The following MICAL2 variants were observed in gnomAD, a reference collection of about 807,000 sequenced individuals.
MICAL2 encodes the protein [F-actin]-monooxygenase MICAL2.
MICAL2 carries 77 observed loss-of-function variants against 127.3 expected under a neutral mutation model. The observed-to-expected ratio is 0.60, with a 90% CI of 0.50 to 0.73. The LOEUF (loss-of-function observed/expected upper bound fraction) is 0.73, where lower values mean the gene tolerates loss of function less well. MICAL2 is among the 30% of genes least tolerant of loss of function. The pLI is 0.00. For synonymous variants in MICAL2, 570 were observed against 551.1 expected (o/e 1.03, Z -0.48); for missense variants, 1,351 against 1,434.4 (o/e 0.94, Z 0.94).
intron 29 of MICAL2, among the ~76,000 whole-genome samples, chr11:12,315,944 CTG>C (rs1864227438): frequency 6.6e-6 from 1 of 152,084 alleles, no homozygotes; most frequent in South Asian, 2.1e-4. Context: ...TCAAGCACGT[CTG>C]TATTTTGTTT....
downstream of MICAL2, chr11:12,294,247 C>T: frequency 6.2e-7 from 1 of 1,614,188 alleles, no homozygotes. Flanking sequence ...CACTGCGGCT[C>T]ATAGCCAATG....
At chr11:12,269,506 C>A (rs1863650323) in intron 24 of MICAL2, among the ~76,000 whole-genome samples, 1 of 152,186 alleles carries the variant, frequency 6.6e-6, no homozygotes, top group African/African-American at 2.4e-5. Flanking sequence ...GCGTGTGCCC[C>A]CACCCCTCAC....
intron 1 of MICAL2, among the ~76,000 whole-genome samples, chr11:12,129,379 C>A (rs1260109427): frequency 1.3e-5 from 2 of 152,222 alleles, no homozygotes; most frequent in African/African-American, 4.8e-5. Context: ...TTACTGGGTA[C>A]TGTCCCCATT....
chr11:12,329,038 A>G (rs1864385451), intron 32 of MICAL2, among the ~76,000 whole-genome samples: 1 of 152,196 alleles, frequency 6.6e-6, no homozygotes, highest in African/African-American at 2.4e-5. Flanking sequence ...TTGTTGGTAA[A>G]TTGGGAGTGC....
rs186260401 is a variant in MICAL2 at position 12,183,498 on chromosome 11, C to T, written c.265-20752C>T. Among the ~76,000 whole-genome samples the T allele has an allele frequency of 9.9e-4, 151 of 152,300 alleles. 1 individual carries two copies. Among genetic ancestry groups the T allele is most frequent in the Admixed American group, 1.3e-3 (20 of 15,302 alleles). On this transcript the variant is annotated intron_variant, in intron 3 of 27. Coordinates refer to ENST00000683283, the MANE Select transcript of MICAL2 (RefSeq NM_001282663.2). Reference sequence around the variant, plus strand: ...TAACCGCCTGTGCCCTTCTCAGGCACAGATGTTTCTGAGACTGAACTGAGC... The same window carrying T: ...TAACCGCCTGTGCCCTTCTCAGGCATAGATGTTTCTGAGACTGAACTGAGC...
At position 12,110,984 on chromosome 11, in the gene MICAL2, CTCT is replaced by C. The variant is rs1372358093; in HGVS notation, c.-149+260_-149+262del. On this transcript the variant is annotated intron_variant, in intron 1 of 27. Transcript: ENST00000683283. This position sits in a 1 kb window ranked among gnomAD's most constrained non-coding sequence, Gnocchi z 4.5. ...GCCTCCCACCGGCACGCCGAACTAC[CTCT>C]TACTCCGCTCCGCAACACCCAAACC... 2.0e-5 allele frequency among the ~76,000 whole-genome samples: 3 copies of C among 152,198 alleles called. No homozygotes were observed. Among genetic ancestry groups the C allele is most frequent in the Non-Finnish European group, 4.4e-5 (3 of 68,042 alleles).
chr11:12,136,142 A>T (rs780962157), intron 1 of MICAL2, among the ~76,000 whole-genome samples: 1 of 151,964 alleles, frequency 6.6e-6, no homozygotes, highest in Non-Finnish European at 1.5e-5. Flanking sequence ...GTATCACCCA[A>T]ATCAGGCCCA....
chr11:12,239,869 T>C (rs1859625729), intron 17 of MICAL2, among the ~76,000 whole-genome samples: 1 of 152,272 alleles, frequency 6.6e-6, no homozygotes, highest in African/African-American at 2.4e-5. Flanking sequence ...AATAAAACTT[T>C]ATTTACAAAA....
At chr11:12,327,341 A>C (rs375324318) in intron 32 of MICAL2, 21 of 1,251,898 alleles carry the variant, frequency 1.7e-5, no homozygotes, top group South Asian at 1.3e-4. Flanking sequence ...TGAGGAAAAC[A>C]GACCTTGTCA....
At chr11:12,290,699 C>T (rs1364075750), downstream of MICAL2, among the ~76,000 whole-genome samples, 2 of 152,194 alleles carry the variant, frequency 1.3e-5, no homozygotes, top group African/African-American at 2.4e-5. Flanking sequence ...CCCAGAATTA[C>T]CTTTTCCCTC....
intron 26 of MICAL2, chr11:12,261,024 C>T: frequency 1.0e-6 from 1 of 985,578 alleles, no homozygotes; most frequent in Non-Finnish European, 1.2e-6. Flanking sequence ...CTGTGGCTCC[C>T]AGCGGATCCC....
At chr11:12,262,387 C>A in intron 26 of MICAL2, 93 bp from the exon 27 acceptor site, 1 of 1,592,416 alleles carries the variant, frequency 6.3e-7, no homozygotes, top group Non-Finnish European at 8.5e-7. Flanking sequence ...ACTCCGGTGC[C>A]TTCTCGTGAT....
At chr11:12,281,324 A>G (rs1441336307) in intron 2 of MICAL2, among the ~76,000 whole-genome samples, 1 of 152,176 alleles carries the variant, frequency 6.6e-6, no homozygotes, top group Admixed American at 6.5e-5. Context: ...CCAGTGGGGA[A>G]GACATCACGG....
intron 1 of MICAL2, among the ~76,000 whole-genome samples, chr11:12,116,408 A>C (rs1850039900): frequency 6.7e-6 from 1 of 148,352 alleles, no homozygotes; most frequent in African/African-American, 2.5e-5. Context: ...TCAGGGGAAG[A>C]CAAAATGACA....
intron 13 of MICAL2, among the ~76,000 whole-genome samples, 172 bp from the exon 14 acceptor site, chr11:12,225,999 G>A (rs909728729): frequency 3.3e-5 from 5 of 152,156 alleles, no homozygotes; most frequent in Admixed American, 3.3e-4. Context: ...CCTGACCAGT[G>A]GAGTGGTGGG....
upstream of MICAL2, among the ~76,000 whole-genome samples, chr11:12,271,705 G>A (rs576293017): frequency 5.3e-5 from 8 of 152,172 alleles, no homozygotes; most frequent in South Asian, 6.2e-4. Flanking sequence ...ACTGTTATAC[G>A]CACACAGATG....
chr11:12,361,930 G>A (rs568062628), downstream of MICAL2, among the ~76,000 whole-genome samples: 2 of 152,300 alleles, frequency 1.3e-5, no homozygotes, highest in African/African-American at 4.8e-5. Context: ...AAATGTAGGA[G>A]TTTATTGTAA....
At chr11:12,165,889 T>C (rs1223956674) in intron 3 of MICAL2, among the ~76,000 whole-genome samples, 1 of 152,242 alleles carries the variant, frequency 6.6e-6, no homozygotes, top group African/African-American at 2.4e-5. Context: ...TGTTTATTAT[T>C]GATGATTATT....
chr11:12,187,889 T>G (rs1363342780), intron 3 of MICAL2, among the ~76,000 whole-genome samples: 1 of 149,600 alleles, frequency 6.7e-6, no homozygotes, highest in African/African-American at 2.5e-5. Context: ...GGCGGGTTGT[T>G]GATAGGGAGG....
Sources: allele counts gnomAD v4.1 joint callset (sites outside exome capture counted in the v4.1 genomes callset), GRCh38; gene constraint gnomAD v4.1.1; non-coding constraint Gnocchi (gnomAD v3.1); transcripts MANE v1.5; gene names NCBI Gene and HGNC (gene_info 2026-07-23, HGNC 2026-07-21).